UBE4B: variants seen among roughly 807,000 people sequenced by gnomAD.
The protein encoded by UBE4B is ubiquitination factor E4B.
A neutral mutation model predicts 148.1 loss-of-function variants in UBE4B; 27 were observed. The observed-to-expected ratio is 0.18, with a 90% CI of 0.13 to 0.25. UBE4B has a LOEUF of 0.25. UBE4B is among the 10% of genes least tolerant of loss of function. The pLI, the probability that UBE4B is intolerant of heterozygous loss-of-function variation, is 1.00. For missense variants in UBE4B, 1,170 were observed against 1,662.4 expected, an observed-to-expected ratio of 0.70 and a Z score of 5.15; for synonymous variants, 596 against 619.3, an observed-to-expected ratio of 0.96 and a Z score of 0.56.
At chr1:10,035,389 GTTTTTTT>G (rs533941719) in intron 1 of UBE4B, among the ~76,000 whole-genome samples, 2 of 65,820 alleles carry the variant, frequency 3.0e-5, no homozygotes, top group Non-Finnish European at 5.2e-5. Flanking sequence ...CAGAGATACT[GTTTTTTT>G]TTTTTTTTTT....
chr1:10,045,192 G>A (rs1443198647), intron 1 of UBE4B, among the ~76,000 whole-genome samples: 5 of 152,220 alleles, frequency 3.3e-5, no homozygotes, highest in Admixed American at 6.5e-5. Context: ...TGCAAATACA[G>A]ATGGAGCTTC....
intron 5 of UBE4B, among the ~76,000 whole-genome samples, chr1:10,103,399 CTTTATTTA>C (rs149354050): frequency 0.29 from 39,859 of 135,248 alleles, 5,973 homozygotes; most frequent in African/African-American, 0.34. Flanking sequence ...ATTACCTCCT[CTTTATTTA>C]TTTATTTATT....
chr1:10,106,201 T>C lies in UBE4B; in HGVS notation c.814T>C (p.Tyr272His). 1 of 1,594,852 alleles carries C rather than the reference T, an allele frequency of 6.3e-7. No individual in the cohort carries two copies. Among genetic ancestry groups the C allele is most frequent in the Non-Finnish European group, 8.6e-7 (1 of 1,166,750 alleles). Residue 272 changes from tyrosine to histidine, a missense_variant, in exon 7 of 28, where the codon TAT becomes CAT. Coordinates refer to ENST00000343090, the MANE Select transcript of UBE4B (RefSeq NM_001105562.3). This position sits in a 1 kb window ranked among gnomAD's most constrained non-coding sequence, Gnocchi z 4.2. ...SFGASSLSSL[Y>H]ESSPAPTPSF... ...TCCCTTTCTCAACTAATTTAGCCTC[T>C]ATGAAAGTAGTCCGGCTCCCACTCC...
chr1:10,074,273 T>G (rs542793352), intron 2 of UBE4B, among the ~76,000 whole-genome samples: 1 of 152,078 alleles, frequency 6.6e-6, no homozygotes, highest in Admixed American at 6.6e-5. Flanking sequence ...CCATCTCCCT[T>G]CAGTTACTCA....
At chr1:10,115,948 G>T (rs559312082) in intron 7 of UBE4B, among the ~76,000 whole-genome samples, 1 of 152,258 alleles carries the variant, frequency 6.6e-6, no homozygotes, top group South Asian at 2.1e-4. Flanking sequence ...GGACCACTAG[G>T]GTATATTTGG....
At chr1:10,142,969 A>T (rs145110390) in intron 17 of UBE4B, among the ~76,000 whole-genome samples, 1 of 151,854 alleles carries the variant, frequency 6.6e-6, no homozygotes, top group African/African-American at 2.4e-5. Flanking sequence ...TTAGCCAGGC[A>T]TGGTAACGCA....
intron 7 of UBE4B, chr1:10,107,267 G>A: frequency 7.8e-7 from 1 of 1,289,514 alleles, no homozygotes. Flanking sequence ...CACTTTCTGG[G>A]GACAGTAGTG....
At chr1:10,174,876 G>A (rs1193973808) in intron 25 of UBE4B, among the ~76,000 whole-genome samples, 1 of 152,078 alleles carries the variant, frequency 6.6e-6, no homozygotes, top group Non-Finnish European at 1.5e-5. Flanking sequence ...AAGGATGGAT[G>A]GTTGGCAAGC....
chr1:10,148,413 C>G (rs183231533), intron 19 of UBE4B, among the ~76,000 whole-genome samples: 1 of 152,102 alleles, frequency 6.6e-6, no homozygotes, highest in Admixed American at 6.6e-5. Flanking sequence ...AGGCGGATCA[C>G]TTGAGGTCAG....
intron 23 of UBE4B, among the ~76,000 whole-genome samples, chr1:10,163,763 T>TTTTA (rs1646204950): frequency 5.9e-5 from 9 of 151,360 alleles, no homozygotes; most frequent in Non-Finnish European, 8.8e-5. Flanking sequence ...ATTAAATTAT[T>TTTTA]TTTTATTTTA....
rs1313503255 is a variant in UBE4B, at chr1:10,119,577, C to T, written c.1403C>T (p.Thr468Ile). The T allele has an allele frequency of 6.2e-7, 1 of 1,613,600 alleles. No individual in the cohort carries two copies. Among genetic ancestry groups the T allele is most frequent in the East Asian group, 2.2e-5 (1 of 44,866 alleles). Residue 468 changes from threonine (T) to isoleucine (I), a missense_variant, in exon 9 of 28, where the codon ACT becomes ATT. By Grantham distance (89) the Thr-to-Ile change is moderately conservative. This residue lies in a region of UBE4B where 388 missense variants were observed against 536.0 expected (regional missense o/e 0.72). Transcript: ENST00000343090. ...SNIRSQCISH[T>I]ALVLQGSLTQ... ...ATCCGCTCACAGTGCATATCCCATA[C>T]TGCTTTAGTACTACAAGGCTCCCTA...
At chr1:10,074,852 A>T (rs1321524803) in intron 2 of UBE4B, among the ~76,000 whole-genome samples, 2 of 152,052 alleles carry the variant, frequency 1.3e-5, no homozygotes, top group African/African-American at 4.8e-5. Context: ...TCCTGGCTTT[A>T]ATTACCCTCA....
At chr1:10,070,034 G>A (rs1009247879) in intron 1 of UBE4B, among the ~76,000 whole-genome samples, 3 of 152,024 alleles carry the variant, frequency 2.0e-5, no homozygotes, top group Admixed American at 6.6e-5. Context: ...CAGCACTTTG[G>A]GGGGCCGAGG....
intron 10 of UBE4B, among the ~76,000 whole-genome samples, chr1:10,125,027 G>A (rs1178331620): frequency 6.6e-6 from 1 of 152,192 alleles, no homozygotes; most frequent in Non-Finnish European, 1.5e-5. Context: ...TTGGGAGGCT[G>A]AGGCAGGAGA....
intron 21 of UBE4B, among the ~76,000 whole-genome samples, chr1:10,155,468 A>G (rs1008243510): frequency 3.3e-5 from 5 of 152,172 alleles, no homozygotes; most frequent in African/African-American, 1.2e-4. Flanking sequence ...AACCTCGCAG[A>G]TGCCCTTTAG....
At chr1:10,037,186 C>G (rs1643571594) in intron 1 of UBE4B, among the ~76,000 whole-genome samples, 1 of 152,126 alleles carries the variant, frequency 6.6e-6, no homozygotes, top group South Asian at 2.1e-4. Context: ...CGCCACCATA[C>G]CCGGCTAATT....
intron 1 of UBE4B, among the ~76,000 whole-genome samples, chr1:10,060,823 A>C: frequency 6.6e-6 from 1 of 151,822 alleles, no homozygotes. Context: ...GCAGTGGTGC[A>C]ATTGTAGCTC....
chr1:10,153,721 G>C (rs1375101284), intron 21 of UBE4B, among the ~76,000 whole-genome samples: 1 of 151,880 alleles, frequency 6.6e-6, no homozygotes, highest in Non-Finnish European at 1.5e-5. Flanking sequence ...AGACTGAGGT[G>C]GGTGGATCAC....
At chr1:10,121,402 T>A (rs536340744) in intron 9 of UBE4B, among the ~76,000 whole-genome samples, 72 of 152,234 alleles carry the variant, frequency 4.7e-4, no homozygotes, top group African/African-American at 1.7e-3. Flanking sequence ...ACTTCTTTTT[T>A]ATTTTTATTT....
Sources: allele counts gnomAD v4.1 joint callset (sites outside exome capture counted in the v4.1 genomes callset), GRCh38; gene constraint gnomAD v4.1.1; regional missense constraint gnomAD v4.1.1; non-coding constraint Gnocchi (gnomAD v3.1); transcripts MANE v1.5; gene names NCBI Gene and HGNC (gene_info 2026-07-23, HGNC 2026-07-21).